EGFLAM: variants seen among roughly 807,000 people sequenced by gnomAD.
EGFLAM encodes the protein EGF like, fibronectin type III and laminin G domains.
Under a neutral mutation model 113.1 loss-of-function variants are expected in EGFLAM, and 79 were observed. That is an observed-to-expected ratio of 0.70 (90% CI 0.58 to 0.84). The LOEUF (loss-of-function observed/expected upper bound fraction) is 0.84. Among genes scored for constraint, EGFLAM ranks in the 40% least tolerant of loss-of-function variants. The pLI is 0.00. For missense variants in EGFLAM, 1,265 were observed against 1,291.6 expected (o/e 0.98, Z 0.32); for synonymous variants, 504 against 487.6 (o/e 1.03, Z -0.44).
At chr5:38,372,184 C>T (rs530822076) in intron 6 of EGFLAM, among the ~76,000 whole-genome samples, 1 of 151,880 alleles carries the variant, frequency 6.6e-6, no homozygotes, top group Non-Finnish European at 1.5e-5. Context: ...ACTCTGTCAC[C>T]CAGGTTGGAG....
intron 1 of EGFLAM, among the ~76,000 whole-genome samples, chr5:38,300,714 G>A (rs115269156): frequency 0.013 from 1,919 of 152,246 alleles, 54 homozygotes; most frequent in African/African-American, 0.044. Context: ...CTGTTGTGTT[G>A]AGAATAAAAA....
At chr5:38,400,846 T>C (rs1269213233) in intron 6 of EGFLAM, among the ~76,000 whole-genome samples, 1 of 152,190 alleles carries the variant, frequency 6.6e-6, no homozygotes, top group Non-Finnish European at 1.5e-5. Flanking sequence ...CTTTGAGCCT[T>C]AGTTGACTCC....
intron 6 of EGFLAM, among the ~76,000 whole-genome samples, chr5:38,381,343 G>A (rs3099130): frequency 0.46 from 70,281 of 152,066 alleles, 17,264 homozygotes; most frequent in African/African-American, 0.64. Context: ...GAGGAGGTCT[G>A]TGAAATCAGC....
In EGFLAM at chr5:38,350,572, C is replaced by T. The variant is rs114378862; in HGVS notation, c.363C>T (p.Gly121=). 878 of 1,613,740 alleles carry T rather than the reference C, an allele frequency of 5.4e-4. 4 individuals carry two copies. The African/African-American group carries it at 0.011, about 20-fold the overall frequency. Residue 121 remains glycine (G), a synonymous_variant, in exon 4 of 22, where the codon GGC becomes GGT. Coordinates refer to ENST00000322350, the MANE Select transcript of EGFLAM (RefSeq NM_152403.4). ...RVSIAAYSQA[G]KGRLSSPRHV... The stretch of plus-strand genomic sequence containing the variant: ...GCATAGCAGCTTACAGCCAGGCTGG[C>T]AAAGGGCGGCTGAGCTCTCCTCGGC...
In EGFLAM at chr5:38,463,918, G is replaced by A. The variant is rs752957669; in HGVS notation, c.2962G>A (p.Asp988Asn). The change falls in exon 22 of 22, where the codon GAT (aspartate) becomes AAT (asparagine). Residue 988 changes from aspartate to asparagine, a missense_variant. Asp to Asn is a conservative substitution (Grantham distance 23). Transcript: ENST00000322350. ...TATCTCTCACTTCACCCTGTCCACC[G>A]ATTACCACATTTCCCTCGTGGAAGA... is the stretch of plus-strand genomic sequence containing the variant. ...GCISHFTLST[D>N]YHISLVEDAV... 3.8e-5 allele frequency: 61 copies of A among 1,614,066 alleles called. No homozygotes were observed. Among genetic ancestry groups the A allele is most frequent in the East Asian group, 8.9e-5 (4 of 44,898 alleles).
chr5:38,389,193 G>A (rs796180537), intron 6 of EGFLAM, among the ~76,000 whole-genome samples: 10 of 152,228 alleles, frequency 6.6e-5, no homozygotes, highest in African/African-American at 2.4e-4. Context: ...TTGACAGAAG[G>A]AAAACCCTTA....
intron 1 of EGFLAM, among the ~76,000 whole-genome samples, chr5:38,332,893 T>C (rs558906690): frequency 2.6e-3 from 402 of 152,326 alleles, no homozygotes; most frequent in Non-Finnish European, 4.6e-3. Flanking sequence ...ATCATGAACA[T>C]GTCACAGTGC....
At chr5:38,349,562 A>ATATG in intron 3 of EGFLAM, among the ~76,000 whole-genome samples, 1 of 152,316 alleles carries the variant, frequency 6.6e-6, no homozygotes, top group East Asian at 1.9e-4. Flanking sequence ...TGGCAGAATC[A>ATATG]GGATTCAAGC....
intron 16 of EGFLAM, among the ~76,000 whole-genome samples, chr5:38,437,809 GCATA>G (rs1451245486): frequency 6.6e-6 from 1 of 152,128 alleles, no homozygotes; most frequent in Non-Finnish European, 1.5e-5. Flanking sequence ...TTCAGCTCCT[GCATA>G]GATGACAAGA....
chr5:38,443,553 G>C (rs1445682153), intron 17 of EGFLAM, among the ~76,000 whole-genome samples: 2 of 152,186 alleles, frequency 1.3e-5, no homozygotes, highest in Non-Finnish European at 2.9e-5. Context: ...AAAGATCTCT[G>C]TACCTAGTAG....
chr5:38,419,312 G>A (rs1468420619), intron 12 of EGFLAM, among the ~76,000 whole-genome samples: 1 of 152,148 alleles, frequency 6.6e-6, no homozygotes, highest in East Asian at 1.9e-4. Context: ...ATGATATCAG[G>A]ACTCTGGGTC....
In EGFLAM at chr5:38,294,731, C is replaced by T. The variant is rs2561130; in HGVS notation, c.97+35880C>T. Among the ~76,000 whole-genome samples, 1,412 of 152,230 alleles carry T rather than the reference C, an allele frequency of 9.3e-3. 25 individuals carry two copies. Among genetic ancestry groups the T allele is most frequent in the African/African-American group, 0.032 (1,336 of 41,528 alleles). ...CTAGCTATAAATTTACCATTCATCT[C>T]CCTTTCCAGAAAGTATATAATAATT... is the stretch of plus-strand genomic sequence containing the variant. On this transcript the variant is annotated intron_variant, in intron 1 of 21. Coordinates refer to ENST00000322350, the MANE Select transcript of EGFLAM (RefSeq NM_152403.4).
chr5:38,462,775 G>A, intron 20 of EGFLAM, 133 bp from the exon 21 acceptor site: 1 of 1,005,870 alleles, frequency 9.9e-7, no homozygotes, highest in Non-Finnish European at 1.5e-6. Flanking sequence ...TTTGATTTCT[G>A]CAGCCCCATC....
At chr5:38,452,487 G>A (rs1045897159) in intron 19 of EGFLAM, among the ~76,000 whole-genome samples, 2 of 152,172 alleles carry the variant, frequency 1.3e-5, no homozygotes, top group Non-Finnish European at 2.9e-5. Flanking sequence ...TGTTACTGCT[G>A]CATGTTCCCT....
chr5:38,406,720 T>C (rs1741297200), intron 7 of EGFLAM, 108 bp from the exon 8 acceptor site: 1 of 1,041,104 alleles, frequency 9.6e-7, no homozygotes, highest in Non-Finnish European at 1.4e-6. Context: ...CATCCTAGGG[T>C]TTTTGGAAGT....
intron 17 of EGFLAM, among the ~76,000 whole-genome samples, chr5:38,443,333 T>A (rs543404445): frequency 7.5e-4 from 114 of 152,342 alleles, no homozygotes; most frequent in African/African-American, 2.6e-3. Flanking sequence ...ATGCGAAGGA[T>A]AACTTCCTTT....
intron 1 of EGFLAM, among the ~76,000 whole-genome samples, chr5:38,333,916 G>GTT (rs70978880): frequency 0.069 from 2,028 of 29,394 alleles, 235 homozygotes; most frequent in Middle Eastern, 0.14. Flanking sequence ...ATTGTTGAGG[G>GTT]TTTTTTTTTT....
chr5:38,358,289 T>A (rs918670933), intron 5 of EGFLAM, among the ~76,000 whole-genome samples: 20 of 149,904 alleles, frequency 1.3e-4, no homozygotes, highest in African/African-American at 4.7e-4. Flanking sequence ...ACTAAAAAAT[T>A]CAAAAAAGTT....
intron 17 of EGFLAM, among the ~76,000 whole-genome samples, chr5:38,440,062 G>C (rs1278257822): frequency 1.3e-5 from 2 of 152,198 alleles, no homozygotes; most frequent in Non-Finnish European, 2.9e-5. Context: ...TGTAACTATA[G>C]GTTCAGGTTC....
Sources: gnomAD v4.1 joint callset for allele counts (sites outside exome capture counted in the v4.1 genomes callset) on GRCh38, gnomAD v4.1.1 for gene constraint, MANE v1.5 for transcripts, NCBI Gene and HGNC (gene_info 2026-07-23, HGNC 2026-07-21) for gene names.